Variants in USP12 observed in about 807,000 individuals in gnomAD.
USP12 encodes the protein ubiquitin carboxyl-terminal hydrolase 12.
USP12 carries 19 observed loss-of-function variants against 45.5 expected under a neutral mutation model. That is an observed-to-expected ratio of 0.42 (90% CI 0.29 to 0.61). The LOEUF (loss-of-function observed/expected upper bound fraction) is 0.61. Among genes scored for constraint, USP12 ranks in the 20% least tolerant of loss-of-function variants. The pLI, the probability that USP12 is intolerant of heterozygous loss-of-function variation, is 0.22. For missense variants in USP12, 242 were observed against 447.7 expected (o/e 0.54, Z 4.15); for synonymous variants, 149 against 148.8 (o/e 1.00, Z -0.01).
intron 1 of USP12, among the ~76,000 whole-genome samples, chr13:27,155,271 C>T (rs566242460): frequency 1.2e-3 from 189 of 151,614 alleles, no homozygotes; most frequent in Non-Finnish European, 1.5e-3. Context: ...TTAGTAGAGA[C>T]AGGGTTTCAC....
At chr13:27,147,974 A>T (rs2137827903) in intron 1 of USP12, among the ~76,000 whole-genome samples, 1 of 152,162 alleles carries the variant, frequency 6.6e-6, no homozygotes, top group East Asian at 1.9e-4. Flanking sequence ...CAAAAAATTT[A>T]AAAATTAGCC....
Position 27,072,809 on chromosome 13 carries a change from G to A in USP12, c.933-1660C>T, listed in dbSNP as rs576145117. On this transcript the variant is annotated intron_variant, in intron 7 of 8. Transcript: ENST00000282344. ...AGAAGTCTCTTCTAGGCTGGGCACC[G>A]GGGACAGAGAAGGAGCAAGCTGAAC... 4.9e-4 allele frequency among the ~76,000 whole-genome samples: 74 copies of A among 152,178 alleles called. 1 individual carries two copies. In the Middle Eastern group the frequency reaches 0.014, roughly 28 times the overall value.
chr13:27,170,348 CA>C (rs1177225026), intron 1 of USP12: 4 of 397,934 alleles, frequency 1.0e-5, no homozygotes, highest in Non-Finnish European at 1.8e-5. Context: ...AAAATATATA[CA>C]ATGTACCACC....
chr13:27,171,322 G>T (rs1389086741), intron 1 of USP12, among the ~76,000 whole-genome samples: 3 of 149,000 alleles, frequency 2.0e-5, no homozygotes, highest in Non-Finnish European at 3.0e-5. Flanking sequence ...GCCCGACGCC[G>T]CGTCTGGCAC....
chr13:27,162,765 A>G lies in USP12; in HGVS notation c.48+8827T>C, dbSNP rs1030946306. The G allele has an allele frequency of 4.6e-5, 7 of 152,072 alleles. No homozygotes were observed. The South Asian group carries it at 6.2e-4, about 14-fold the overall frequency. 9.4% of individuals were successfully genotyped at this position (152,072 alleles called of 1,614,324 possible). On this transcript the variant is annotated intron_variant, in intron 1 of 8. Coordinates refer to ENST00000282344, the MANE Select transcript of USP12 (RefSeq NM_182488.4). ...ATGAAAGTAAGTTTGAACCATTTGGATTATTATGATTAATGAACTAGAAGA... is the reference window on the plus strand; with the variant it reads ...ATGAAAGTAAGTTTGAACCATTTGGGTTATTATGATTAATGAACTAGAAGA...
chr13:27,167,644 A>G (rs1373684390), intron 1 of USP12, among the ~76,000 whole-genome samples: 1 of 151,958 alleles, frequency 6.6e-6, no homozygotes, highest in East Asian at 1.9e-4. Flanking sequence ...GAATGCTCCT[A>G]TCATAGAAGT....
intron 6 of USP12, among the ~76,000 whole-genome samples, chr13:27,086,724 A>G (rs962626242): frequency 6.6e-6 from 1 of 152,098 alleles, no homozygotes; most frequent in Admixed American, 6.5e-5. Context: ...TAAAGTCTGA[A>G]AGTTGTATTT....
chr13:27,099,947 G>A (rs1328714479), intron 3 of USP12, among the ~76,000 whole-genome samples: 1 of 152,150 alleles, frequency 6.6e-6, no homozygotes, highest in Non-Finnish European at 1.5e-5. Flanking sequence ...TTGGTACACT[G>A]TGTGTGGGTT....
rs577194219 is a variant in USP12, at chr13:27,162,030, C to A, written c.48+9562G>T. 1.1e-4 allele frequency among the ~76,000 whole-genome samples: 16 copies of A among 152,302 alleles called. 1 individual carries two copies. The South Asian group carries it at 3.3e-3, about 32-fold the overall frequency. ...AAACTTTGAAATGACTACGCTTTGT[C>A]AAAGGTAACTTGTGAGCTCCGTTAC... is the stretch of plus-strand genomic sequence containing the variant. On this transcript the variant is annotated intron_variant, in intron 1 of 8. Coordinates refer to ENST00000282344, the MANE Select transcript of USP12 (RefSeq NM_182488.4).
At chr13:27,119,445 T>C (rs552919610) in intron 1 of USP12, among the ~76,000 whole-genome samples, 1 of 152,314 alleles carries the variant, frequency 6.6e-6, no homozygotes, top group East Asian at 1.9e-4. Context: ...TTAACCCTTC[T>C]GGATTTAAGA....
At chr13:27,157,904 C>G (rs1441853209) in intron 1 of USP12, among the ~76,000 whole-genome samples, 2 of 152,190 alleles carry the variant, frequency 1.3e-5, no homozygotes, top group African/African-American at 2.4e-5. Context: ...GTCTCCCCAA[C>G]TAGACTGCAA....
At chr13:27,154,045 T>A (rs1465182233) in intron 1 of USP12, among the ~76,000 whole-genome samples, 3 of 148,514 alleles carry the variant, frequency 2.0e-5, no homozygotes, top group African/African-American at 7.3e-5. Context: ...ATTAAAAATC[T>A]ATTTCACATC....
chr13:27,113,749 T>C (rs1046200538), intron 2 of USP12, among the ~76,000 whole-genome samples: 1 of 152,208 alleles, frequency 6.6e-6, no homozygotes, highest in Non-Finnish European at 1.5e-5. Flanking sequence ...CCAGAGCTCT[T>C]TTCCCAGGTT....
intron 2 of USP12, among the ~76,000 whole-genome samples, chr13:27,106,235 T>TGAC: frequency 6.6e-6 from 1 of 152,170 alleles, no homozygotes; most frequent in East Asian, 1.9e-4. Context: ...GTCACCAGTA[T>TGAC]GACAGTCTAG....
intron 6 of USP12, among the ~76,000 whole-genome samples, chr13:27,087,165 A>G (rs866227): frequency 6.6e-6 from 1 of 151,052 alleles, no homozygotes; most frequent in African/African-American, 2.4e-5. Flanking sequence ...GTGTGTGCAT[A>G]CAGGGAGCGG....
chr13:27,093,267 A>C (rs561874524), intron 4 of USP12, among the ~76,000 whole-genome samples: 1 of 152,042 alleles, frequency 6.6e-6, no homozygotes, highest in East Asian at 1.9e-4. Flanking sequence ...AATATTTGCC[A>C]AAGACCCACC....
intron 1 of USP12, among the ~76,000 whole-genome samples, chr13:27,165,032 A>G (rs1878288701): frequency 6.7e-6 from 1 of 149,526 alleles, no homozygotes. Context: ...ACCTTGTTCT[A>G]GTAATGACAA....
In USP12 at chr13:27,122,139, T is replaced by C. The variant is rs144642712; in HGVS notation, c.49-5543A>G. Among the ~76,000 whole-genome samples, 102 of 151,966 alleles carry C rather than the reference T, an allele frequency of 6.7e-4. 2 individuals carry two copies. The East Asian group carries it at 0.017, about 25-fold the overall frequency. On this transcript the variant is annotated intron_variant, in intron 1 of 8. Coordinates refer to ENST00000282344, the MANE Select transcript of USP12 (RefSeq NM_182488.4). ...GAGTTCAAGACCAACCTGGGCAACA[T>C]GGCGAAACCCCGTGATATGGTTTGG...
At chr13:27,123,254 A>G (rs1407207984) in intron 1 of USP12, among the ~76,000 whole-genome samples, 1 of 152,198 alleles carries the variant, frequency 6.6e-6, no homozygotes, top group East Asian at 1.9e-4. Context: ...AATGACCTGT[A>G]ACAAATCATT....
Sources: allele counts gnomAD v4.1 joint callset (sites outside exome capture counted in the v4.1 genomes callset), GRCh38; gene constraint gnomAD v4.1.1; transcripts MANE v1.5; gene names NCBI Gene and HGNC (gene_info 2026-07-23, HGNC 2026-07-21).